Variants in LRRTM4 observed in about 807,000 individuals in gnomAD.
LRRTM4 encodes the protein leucine-rich repeat transmembrane neuronal protein 4.
LRRTM4 carries 25 observed loss-of-function variants against 47.6 expected under a neutral mutation model. The ratio of observed to expected loss-of-function variants is 0.53; its 90% confidence interval spans 0.38 to 0.73. The LOEUF is 0.73. Ranked by LOEUF, LRRTM4 falls within the 30% of genes least tolerant of loss-of-function variation. The pLI, the probability that LRRTM4 is intolerant of heterozygous loss-of-function variation, is 0.00. For synonymous variants in LRRTM4, 311 were observed against 269.5 expected (o/e 1.15, Z -1.51); for missense variants, 638 against 713.4 (o/e 0.89, Z 1.20).
intron 3 of LRRTM4, among the ~76,000 whole-genome samples, chr2:76,869,567 A>G (rs962574742): frequency 6.6e-6 from 1 of 151,190 alleles, no homozygotes; most frequent in Non-Finnish European, 1.5e-5. Flanking sequence ...TTTTTTAAAA[A>G]AAGTCAAACC....
intron 3 of LRRTM4, among the ~76,000 whole-genome samples, chr2:77,409,159 A>T (rs2103854917): frequency 6.6e-6 from 1 of 152,298 alleles, no homozygotes; most frequent in Admixed American, 6.5e-5. Context: ...ATTATAACTA[A>T]ATATAATAAT....
At chr2:77,338,330 A>C (rs1242672740) in intron 3 of LRRTM4, among the ~76,000 whole-genome samples, 1 of 152,016 alleles carries the variant, frequency 6.6e-6, no homozygotes, top group African/African-American at 2.4e-5. Context: ...GAAAATACAT[A>C]AACTATGCAT....
chr2:77,174,342 G>A (rs563663463), intron 3 of LRRTM4, among the ~76,000 whole-genome samples: 1 of 152,264 alleles, frequency 6.6e-6, no homozygotes, highest in South Asian at 2.1e-4. Flanking sequence ...CAGCTTTTCA[G>A]GCCACTGGGT....
intron 3 of LRRTM4, among the ~76,000 whole-genome samples, chr2:76,910,940 C>T (rs1313727675): frequency 6.6e-6 from 1 of 152,132 alleles, no homozygotes; most frequent in Non-Finnish European, 1.5e-5. Context: ...CTGAGAAATA[C>T]ATTCATTTAC....
chr2:76,790,518 C>T (rs1674915817), intron 3 of LRRTM4, among the ~76,000 whole-genome samples: 2 of 152,076 alleles, frequency 1.3e-5, no homozygotes, highest in African/African-American at 4.8e-5. Context: ...GAAACTATTT[C>T]AGAAAGTACT....
intron 3 of LRRTM4, among the ~76,000 whole-genome samples, chr2:76,795,861 GCGACGCAGAAGAC>G (rs1675277583): frequency 6.6e-6 from 1 of 152,012 alleles, no homozygotes; most frequent in Admixed American, 6.6e-5. Flanking sequence ...CCCAGCGTGA[GCGACGCAGAAGAC>G]GGGTGATTTC....
chr2:76,954,829 T>TTATGAATATC (rs1377866899), intron 3 of LRRTM4, among the ~76,000 whole-genome samples: 4 of 151,788 alleles, frequency 2.6e-5, no homozygotes, highest in Non-Finnish European at 5.9e-5. Context: ...CCACATCACA[T>TTATGAATATC]ACATATTCAT....
chr2:77,052,154 T>C (rs1189330605), intron 3 of LRRTM4, among the ~76,000 whole-genome samples: 1 of 139,000 alleles, frequency 7.2e-6, no homozygotes, highest in Admixed American at 7.1e-5. Context: ...CATTTCCTTT[T>C]TTTTTTTTTT....
chr2:76,917,008 C>T (rs1375061166), intron 3 of LRRTM4, among the ~76,000 whole-genome samples: 3 of 152,068 alleles, frequency 2.0e-5, no homozygotes, highest in East Asian at 1.9e-4. Flanking sequence ...ATATTATTTT[C>T]GGGGAGGATG....
intron 3 of LRRTM4, among the ~76,000 whole-genome samples, chr2:77,283,217 A>G (rs1283404622): frequency 6.6e-6 from 1 of 152,074 alleles, no homozygotes; most frequent in Non-Finnish European, 1.5e-5. Flanking sequence ...TCCAACAAAC[A>G]AGAAAAAATG....
intron 3 of LRRTM4, among the ~76,000 whole-genome samples, chr2:77,051,711 G>A (rs1679438784): frequency 1.3e-5 from 2 of 152,184 alleles, no homozygotes; most frequent in Non-Finnish European, 2.9e-5. Context: ...CAGGTTTTGT[G>A]TAGGGCTGTC....
At chr2:77,429,444 C>A (rs1232625494) in intron 3 of LRRTM4, among the ~76,000 whole-genome samples, 2 of 152,022 alleles carry the variant, frequency 1.3e-5, no homozygotes, top group Non-Finnish European at 2.9e-5. Flanking sequence ...GAAACAGAAT[C>A]AACCTAAGTG....
intron 3 of LRRTM4, among the ~76,000 whole-genome samples, chr2:77,103,667 A>ATATATATATCTATC (rs145819033): frequency 1.0e-3 from 147 of 146,284 alleles, no homozygotes; most frequent in Non-Finnish European, 1.7e-3. Flanking sequence ...ATATATAGAT[A>ATATATATATCTATC]TATATATCAC....
intron 3 of LRRTM4, among the ~76,000 whole-genome samples, chr2:76,914,544 A>G (rs6707208): frequency 0.045 from 6,805 of 152,200 alleles, 331 homozygotes; most frequent in East Asian, 0.13. Context: ...GATTATAAGT[A>G]TATTATTAAA....
chr2:76,865,831 T>C (rs1672451060), intron 3 of LRRTM4, among the ~76,000 whole-genome samples: 1 of 152,222 alleles, frequency 6.6e-6, no homozygotes, highest in South Asian at 2.1e-4. Flanking sequence ...AGATGTATTA[T>C]GACTGTCACT....
intron 3 of LRRTM4, among the ~76,000 whole-genome samples, chr2:77,242,345 G>A (rs1429958303): frequency 6.6e-6 from 1 of 152,070 alleles, no homozygotes. Context: ...AAAAACTCCT[G>A]TGCATCAAGG....
intron 3 of LRRTM4, among the ~76,000 whole-genome samples, chr2:77,431,204 G>C (rs1350931389): frequency 6.7e-6 from 1 of 148,862 alleles, no homozygotes; most frequent in African/African-American, 2.6e-5. Flanking sequence ...GCATGCTTTC[G>C]ATTTTGTCTT....
chr2:76,866,750 G>A (rs1243027668), intron 3 of LRRTM4, among the ~76,000 whole-genome samples: 1 of 152,114 alleles, frequency 6.6e-6, no homozygotes, highest in Non-Finnish European at 1.5e-5. Flanking sequence ...TATCATTGAT[G>A]GGCATTTGGG....
intron 3 of LRRTM4, among the ~76,000 whole-genome samples, chr2:77,175,164 G>C (rs1673159514): frequency 6.6e-6 from 1 of 151,244 alleles, no homozygotes; most frequent in South Asian, 2.1e-4. Flanking sequence ...CCACCTCCTG[G>C]GTTCAAGCGA....
Sources: gnomAD v4.1 joint callset for allele counts (sites outside exome capture counted in the v4.1 genomes callset) on GRCh38, gnomAD v4.1.1 for gene constraint, MANE v1.5 for transcripts, NCBI Gene and HGNC (gene_info 2026-07-23, HGNC 2026-07-21) for gene names.